Variants in AMMECR1L observed in about 807,000 individuals in gnomAD.
The protein encoded by AMMECR1L is AMMECR1 like.
In AMMECR1L, 4 loss-of-function variants were observed where a neutral mutation model predicts 36.8. The observed-to-expected ratio is 0.11, with a 90% confidence interval of 0.05 to 0.25. The LOEUF (loss-of-function observed/expected upper bound fraction) is 0.25, where lower values mean the gene tolerates loss of function less well. AMMECR1L is among the 10% of genes least tolerant of loss of function. The pLI is 1.00. For synonymous variants in AMMECR1L, 147 were observed against 148.0 expected (o/e 0.99, Z 0.05); for missense variants, 232 against 392.1 (o/e 0.59, Z 3.45).
chr2:127,871,344 C>G lies in AMMECR1L; in HGVS notation c.423G>C (p.Thr141=). The G allele has an allele frequency of 6.2e-7, 1 of 1,613,916 alleles. No homozygotes were observed. Among genetic ancestry groups the G allele is most frequent in the Non-Finnish European group, 8.5e-7 (1 of 1,180,036 alleles). ...GCCGCTTGTCCCGCCCTGTCTTCCA[C>G]GTCACAAAGAGCGGACTAAAAAAAG... The part of the protein sequence containing the change: ...FTNDPYPLFV[T]WKTGRDKRLR... Residue 141 remains threonine (T), a synonymous_variant, in exon 4 of 8, where the codon ACG becomes ACC. Transcript: ENST00000272647. This position sits in a 1 kb window ranked among gnomAD's most constrained non-coding sequence, Gnocchi z 4.3.
rs2104738898 is a variant in AMMECR1L at position 127,864,079 on chromosome 2, C to T, written c.*1015G>A. The T allele has an allele frequency of 6.5e-6, 1 of 152,876 alleles. No individual in the cohort carries two copies. Among genetic ancestry groups the T allele is most frequent in the African/African-American group, 2.4e-5 (1 of 41,580 alleles). The allele number at this position is 152,876 out of a possible 1,614,324, so 9.5% of individuals were successfully genotyped here. A position where few individuals can be genotyped will look rare whatever the true frequency, so the allele number is the denominator to read the frequency against. ...TACAGGCAAACTAGAAAAAGGAGCTCCCCTGCTTACAGGCCCCTCAGGATG... is the reference window on the plus strand; with the variant it reads ...TACAGGCAAACTAGAAAAAGGAGCTTCCCTGCTTACAGGCCCCTCAGGATG... On this transcript the variant is annotated 3_prime_UTR_variant, in exon 8 of 8. Coordinates refer to ENST00000272647, the MANE Select transcript of AMMECR1L (RefSeq NM_001199140.2).
chr2:127,870,015 T>G (rs138514618), intron 5 of AMMECR1L, among the ~76,000 whole-genome samples: 189 of 152,262 alleles, frequency 1.2e-3, no homozygotes, highest in African/African-American at 4.2e-3. Flanking sequence ...AAACCCTGTC[T>G]CTACTAAAAA....
Position 127,872,995 on chromosome 2 carries a change from C to T in AMMECR1L, c.407+833G>A. The T allele has an allele frequency of 4.1e-6, 4 of 985,382 alleles. No homozygotes were observed. In the South Asian group the frequency reaches 1.9e-4, roughly 46 times the overall value. The allele number at this position is 985,382 out of a possible 1,614,324, so 61.0% of individuals were successfully genotyped here. A position where few individuals can be genotyped will look rare whatever the true frequency, so the allele number is the denominator to read the frequency against. The stretch of plus-strand genomic sequence containing the variant: ...TGTGTGATTTGCCAACCTGACAGGC[C>T]TCCCAAGGGAAGAGGCTCCTTTTCT... On this transcript the variant is annotated intron_variant, in intron 3 of 7. Coordinates refer to ENST00000272647, the MANE Select transcript of AMMECR1L (RefSeq NM_001199140.2).
At chr2:127,883,993 CTAATGGGAGTA>C (rs1485160250) in intron 2 of AMMECR1L, among the ~76,000 whole-genome samples, 199 bp downstream of exon 2, 1 of 152,132 alleles carries the variant, frequency 6.6e-6, no homozygotes, top group African/African-American at 2.4e-5. Context: ...CTAGCTCACT[CTAATGGGAGTA>C]TGAAAAACAA....
rs141136872 is a variant in AMMECR1L, at chr2:127,873,489, T to C, written c.407+339A>G. ...CTCACCTGGACTTCAACACTATGGGTGTCCCCAATGGTATGGCGTGACTTC... is the reference window on the plus strand; with the variant it reads ...CTCACCTGGACTTCAACACTATGGGCGTCCCCAATGGTATGGCGTGACTTC... On this transcript the variant is annotated intron_variant, in intron 3 of 7. Transcript: ENST00000272647. This position sits in a 1 kb window ranked among gnomAD's most constrained non-coding sequence, Gnocchi z 5.2. 1 of 985,456 alleles carries C rather than the reference T, an allele frequency of 1.0e-6. No homozygotes were observed. Among genetic ancestry groups the C allele is most frequent in the African/African-American group, 1.7e-5 (1 of 57,372 alleles). The allele number at this position is 985,456 out of a possible 1,614,324, so 61.0% of individuals were successfully genotyped here.
chr2:127,871,267 C>T lies in AMMECR1L; in HGVS notation c.500G>A (p.Arg167Lys), dbSNP rs1441492374. The change falls in exon 4 of 8, where the codon AGG becomes AAG. Residue 167 changes from arginine to lysine, a missense_variant. Physicochemically the swap from Arg to Lys is conservative, Grantham distance 26 (BLOSUM62 2). This residue lies in a region of AMMECR1L where 83 missense variants were observed against 229.5 expected (regional missense o/e 0.36). Transcript: ENST00000272647. The surrounding 1 kb of genome is among the most constrained non-coding windows in gnomAD (Gnocchi z 4.3). ...TCATTACCTGGTTAACGTGTATTCC[C>T]TGAGTCCTGAATGAAGATTCATGGC... The part of the protein sequence containing the change: ...FSAMNLHSGL[R>K]EYTLTSALKD... 6.2e-7 allele frequency: 1 copy of T among 1,614,014 alleles called. No homozygotes were observed. Among genetic ancestry groups the T allele is most frequent in the Non-Finnish European group, 8.5e-7 (1 of 1,180,028 alleles).
chr2:127,871,336 G>A lies in AMMECR1L; in HGVS notation c.431C>T (p.Thr144Ile). Residue 144 changes from threonine (T) to isoleucine (I), a missense_variant, in exon 4 of 8, where the codon ACA becomes ATA. By Grantham distance (89) the Thr-to-Ile change is moderately conservative. Coordinates refer to ENST00000272647, the MANE Select transcript of AMMECR1L (RefSeq NM_001199140.2). The surrounding 1 kb of genome is among the most constrained non-coding windows in gnomAD (Gnocchi z 4.3). ...DPYPLFVTWK[T>I]GRDKRLRGCI... ...GCCACGAAGCCGCTTGTCCCGCCCT[G>A]TCTTCCACGTCACAAAGAGCGGACT... 6.2e-7 allele frequency: 1 copy of A among 1,614,006 alleles called. No homozygotes were observed. The highest frequency in any genetic ancestry group is 1.1e-5 in the South Asian group (1 of 91,086).
chr2:127,877,788 G>A (rs1266264542), intron 2 of AMMECR1L, among the ~76,000 whole-genome samples: 1 of 152,192 alleles, frequency 6.6e-6, no homozygotes, highest in Admixed American at 6.5e-5. Context: ...TGGGAGTGGT[G>A]ACTCACACCT....
intron 2 of AMMECR1L, among the ~76,000 whole-genome samples, chr2:127,883,341 T>C (rs1691605179): frequency 1.3e-5 from 2 of 152,134 alleles, no homozygotes; most frequent in South Asian, 4.1e-4. Flanking sequence ...GTTATCCACC[T>C]GCCTCGGCCT....
rs1690476695 is a variant in AMMECR1L, at chr2:127,861,727, A to G, written c.*3367T>C. 6.6e-6 allele frequency: 1 copy of G among 152,236 alleles called. No individual in the cohort carries two copies. The allele number at this position is 152,236 out of a possible 1,614,324, so 9.4% of individuals were successfully genotyped here. Reference sequence around the variant, plus strand: ...TAGCCAAGAGGCAACCAAGTGTAATACAAAGAATTGGTCTGAAGTCTTTGC... The same window carrying G: ...TAGCCAAGAGGCAACCAAGTGTAATGCAAAGAATTGGTCTGAAGTCTTTGC... On this transcript the variant is annotated 3_prime_UTR_variant, in exon 8 of 8. Transcript: ENST00000272647.
intron 2 of AMMECR1L, among the ~76,000 whole-genome samples, chr2:127,883,255 A>G (rs7587290): frequency 0.49 from 74,965 of 151,620 alleles, 19,748 homozygotes; most frequent in African/African-American, 0.68. Flanking sequence ...ATGCCACCAC[A>G]CCTGGCTAAT....
In AMMECR1L at chr2:127,865,246, G is replaced by T; in HGVS notation, c.822-41C>A. The T allele has an allele frequency of 7.0e-7, 1 of 1,424,504 alleles. No individual in the cohort carries two copies. Among genetic ancestry groups the T allele is most frequent in the Non-Finnish European group, 9.7e-7 (1 of 1,029,550 alleles). The allele number at this position is 1,424,504 out of a possible 1,614,324, so 88.2% of individuals were successfully genotyped here. A position where few individuals can be genotyped will look rare whatever the true frequency, so the allele number is the denominator to read the frequency against. On this transcript the variant is annotated intron_variant, in intron 7 of 7. Coordinates refer to ENST00000272647, the MANE Select transcript of AMMECR1L (RefSeq NM_001199140.2). This position sits in a 1 kb window ranked among gnomAD's most constrained non-coding sequence, Gnocchi z 5.4. ...GGAAAGGGTATTAGGAACCCCAAAC[G>T]CTTCATTTTGTAAAGTCACTCAGCA...
chr2:127,868,462 C>G (rs564921626), intron 6 of AMMECR1L, among the ~76,000 whole-genome samples: 1 of 152,278 alleles, frequency 6.6e-6, no homozygotes, highest in South Asian at 2.1e-4. Context: ...TAAAAACCAA[C>G]CAGGCAATCG....
rs1573527810 is a variant in AMMECR1L, at chr2:127,862,266, AAC to A, written c.*2826_*2827del. ...CAGAGAAATTGGGCTGGTCCTTGAA[AAC>A]AGTGGTTACCTACTGTCCAGCTCGA... On this transcript the variant is annotated 3_prime_UTR_variant, in exon 8 of 8. Transcript: ENST00000272647. The A allele has an allele frequency of 6.5e-6, 1 of 153,882 alleles. No homozygotes were observed. Among genetic ancestry groups the A allele is most frequent in the East Asian group, 1.9e-4 (1 of 5,188 alleles). The allele number at this position is 153,882 out of a possible 1,614,324, so 9.5% of individuals were successfully genotyped here.
intron 2 of AMMECR1L, among the ~76,000 whole-genome samples, chr2:127,877,881 TGA>T (rs1691320960): frequency 6.6e-6 from 1 of 151,976 alleles, no homozygotes; most frequent in Non-Finnish European, 1.5e-5. Context: ...GGCAACAAAG[TGA>T]GACATCTGTC....
In AMMECR1L at chr2:127,869,662, A is replaced by C. The variant is rs1573541732; in HGVS notation, c.634-118T>G. The C allele has an allele frequency of 3.7e-6, 3 of 810,442 alleles. No homozygotes were observed. The highest frequency in any genetic ancestry group is 1.6e-5 in the South Asian group (1 of 63,552). The allele number at this position is 810,442 out of a possible 1,614,324, so 50.2% of individuals were successfully genotyped here. The stretch of plus-strand genomic sequence containing the variant: ...CTTAACACAGGCCTGGAAAAGGGAG[A>C]CCTTCTCGCATTTCATGACTAATTC... On this transcript the variant is annotated intron_variant, in intron 5 of 7. Transcript: ENST00000272647. This position sits in a 1 kb window ranked among gnomAD's most constrained non-coding sequence, Gnocchi z 4.7.
intron 2 of AMMECR1L, among the ~76,000 whole-genome samples, chr2:127,880,947 A>G (rs933517765): frequency 6.6e-6 from 1 of 152,196 alleles, no homozygotes; most frequent in Non-Finnish European, 1.5e-5. Flanking sequence ...AAACCAAGGG[A>G]TAGTTTAATA....
intron 2 of AMMECR1L, among the ~76,000 whole-genome samples, chr2:127,879,521 A>T (rs908138275): frequency 6.6e-6 from 1 of 152,112 alleles, no homozygotes; most frequent in East Asian, 1.9e-4. Context: ...CCTTTTTTTT[A>T]AATAAGTTAC....
intron 1 of AMMECR1L, chr2:127,885,267 G>A (rs1691710045): frequency 1.0e-6 from 1 of 983,716 alleles, no homozygotes; most frequent in Admixed American, 6.2e-5. Context: ...GGGGAAAAGC[G>A]GGCCGAGGGA....
Sources: allele counts gnomAD v4.1 joint callset (sites outside exome capture counted in the v4.1 genomes callset), GRCh38; gene constraint gnomAD v4.1.1; regional missense constraint gnomAD v4.1.1; non-coding constraint Gnocchi (gnomAD v3.1); transcripts MANE v1.5; gene names NCBI Gene and HGNC (gene_info 2026-07-23, HGNC 2026-07-21).